Variants in HIVEP1 observed in about 807,000 individuals in gnomAD.
HIVEP1 encodes the protein HIVEP zinc finger 1.
A neutral mutation model predicts 180.0 loss-of-function variants in HIVEP1; 36 were observed. The observed-to-expected ratio is 0.20, with a 90% CI of 0.15 to 0.26. The LOEUF (loss-of-function observed/expected upper bound fraction) is 0.26, where lower values mean the gene tolerates loss of function less well. Ranked by LOEUF, HIVEP1 falls within the 10% of genes least tolerant of loss-of-function variation. HIVEP1 has a pLI of 1.00. For missense variants in HIVEP1, 3,143 were observed against 3,268.7 expected (o/e 0.96, Z 0.94); for synonymous variants, 1,239 against 1,239.0 (o/e 1.00, Z 0.00).
At chr6:12,029,010 G>A (rs1271021382) in intron 2 of HIVEP1, among the ~76,000 whole-genome samples, 1 of 152,058 alleles carries the variant, frequency 6.6e-6, no homozygotes, top group Non-Finnish European at 1.5e-5. Context: ...AATCTGTGTC[G>A]TAGCATGTAT....
intron 2 of HIVEP1, among the ~76,000 whole-genome samples, chr6:12,051,026 A>ATATATATATATATATATG (rs1329873734): frequency 5.7e-5 from 8 of 141,222 alleles, no homozygotes; most frequent in African/African-American, 1.1e-4. Flanking sequence ...ATATATATAT[A>ATATATATATATATATATG]TATATGTATA....
At chr6:12,202,015 C>T in the HIVEP1 span, among the ~76,000 whole-genome samples, 2 of 152,094 alleles carry the variant, frequency 1.3e-5, no homozygotes, top group Non-Finnish European at 2.9e-5. Flanking sequence ...AATTATTTTT[C>T]TGCAGTTCAG....
At chr6:12,028,316 C>T (rs1054492608) in intron 2 of HIVEP1, among the ~76,000 whole-genome samples, 5 of 152,104 alleles carry the variant, frequency 3.3e-5, no homozygotes, top group East Asian at 1.9e-4. Context: ...CCCTGTCTTC[C>T]AGGAAATTTA....
chr6:12,122,602 G>A lies in HIVEP1; in HGVS notation c.2807G>A (p.Arg936Lys). 1.2e-6 allele frequency: 2 copies of A among 1,614,182 alleles called. No homozygotes were observed. Among genetic ancestry groups the A allele is most frequent in the Non-Finnish European group, 1.7e-6 (2 of 1,180,036 alleles). Residue 936 changes from arginine to lysine, a missense_variant, in exon 4 of 9, where the codon AGG becomes AAG. By Grantham distance (26) the Arg-to-Lys change is conservative (BLOSUM62 2). Coordinates refer to ENST00000379388, the MANE Select transcript of HIVEP1 (RefSeq NM_002114.4). The stretch of plus-strand genomic sequence containing the variant: ...GCTGCTGGTGAAGCCATGTCAGTGA[G>A]GAGCAAGGCACTGGCACAAGGCCCA... ...CHAAGEAMSV[R>K]SKALAQGPHI...
intron 7 of HIVEP1, among the ~76,000 whole-genome samples, chr6:12,143,489 C>T (rs536690880): frequency 6.6e-6 from 1 of 152,216 alleles, no homozygotes; most frequent in African/African-American, 2.4e-5. Context: ...ACAAGGATGC[C>T]CTCTCTCACC....
chr6:12,141,174 G>A (rs1213751083), intron 7 of HIVEP1, among the ~76,000 whole-genome samples: 19 of 152,124 alleles, frequency 1.2e-4, no homozygotes, highest in South Asian at 6.2e-4. Context: ...CAGATCTCTC[G>A]GCAGAAACTC....
intron 5 of HIVEP1, among the ~76,000 whole-genome samples, chr6:12,130,422 C>T (rs1229173656): frequency 6.6e-6 from 1 of 152,006 alleles, no homozygotes; most frequent in East Asian, 1.9e-4. Context: ...CCTGTAGTCC[C>T]AGCTGTTCGG....
chr6:12,150,547 C>A (rs1759643153), intron 7 of HIVEP1, among the ~76,000 whole-genome samples: 2 of 152,074 alleles, frequency 1.3e-5, no homozygotes, highest in African/African-American at 2.4e-5. Flanking sequence ...AGCTTTTTTT[C>A]CAAATGAAAC....
chr6:12,043,141 A>T (rs899856220), intron 2 of HIVEP1, among the ~76,000 whole-genome samples: 3 of 152,190 alleles, frequency 2.0e-5, no homozygotes, highest in East Asian at 3.8e-4. Context: ...TCTAAATTCC[A>T]AAAGGGTAAG....
chr6:12,204,506 G>GA, the HIVEP1 span, among the ~76,000 whole-genome samples: 706 of 151,668 alleles, frequency 4.7e-3, 8 homozygotes, highest in African/African-American at 0.016. Context: ...TAAATATTAA[G>GA]AAAAAAAATC....
chr6:12,019,305 T>C (rs908429659), intron 2 of HIVEP1, among the ~76,000 whole-genome samples: 13 of 152,144 alleles, frequency 8.5e-5, no homozygotes, highest in Non-Finnish European at 1.9e-4. Flanking sequence ...TCCGCGCTCC[T>C]CACAATGTCT....
chr6:12,033,942 GCT>G (rs1277940208), intron 2 of HIVEP1, among the ~76,000 whole-genome samples: 1 of 152,142 alleles, frequency 6.6e-6, no homozygotes, highest in Non-Finnish European at 1.5e-5. Context: ...AGGATTCAGG[GCT>G]CATTTGTTGT....
At chr6:12,139,710 A>T (rs541836392) in intron 7 of HIVEP1, among the ~76,000 whole-genome samples, 1 of 152,374 alleles carries the variant, frequency 6.6e-6, no homozygotes, top group African/African-American at 2.4e-5. Context: ...GGTGGATCCC[A>T]TGCCCACAGA....
At chr6:12,182,695 C>A in the HIVEP1 span, among the ~76,000 whole-genome samples, 1 of 152,212 alleles carries the variant, frequency 6.6e-6, no homozygotes, top group African/African-American at 2.4e-5. Context: ...TATCTCTGAT[C>A]TTCCATTCTT....
intron 3 of HIVEP1, among the ~76,000 whole-genome samples, chr6:12,118,211 G>T (rs1775343247): frequency 6.7e-6 from 1 of 149,716 alleles, no homozygotes; most frequent in African/African-American, 2.5e-5. Flanking sequence ...ATTAAACTAT[G>T]ATATGAGAGC....
chr6:12,176,965 A>G, the HIVEP1 span, among the ~76,000 whole-genome samples: 1 of 152,234 alleles, frequency 6.6e-6, no homozygotes, highest in African/African-American at 2.4e-5. Context: ...CATATACACC[A>G]TGGAATACTA....
At chr6:12,048,479 C>T (rs1770284829) in intron 2 of HIVEP1, among the ~76,000 whole-genome samples, 1 of 152,184 alleles carries the variant, frequency 6.6e-6, no homozygotes, top group South Asian at 2.1e-4. Context: ...TGCCCATCAT[C>T]CCACCCCAAA....
At chr6:12,011,703 G>C (rs1313098226), upstream of HIVEP1, among the ~76,000 whole-genome samples, 1 of 147,106 alleles carries the variant, frequency 6.8e-6, no homozygotes, top group Non-Finnish European at 1.5e-5. Flanking sequence ...GGCCCGCCCC[G>C]CCGGGGAGAC....
At chr6:12,187,616 G>A in the HIVEP1 span, among the ~76,000 whole-genome samples, 10,451 of 148,350 alleles carry the variant, frequency 0.07, 531 homozygotes, top group South Asian at 0.29. Flanking sequence ...TTTTTTAAAC[G>A]GAGTCTCACT....
Sources: gnomAD v4.1 joint callset for allele counts (sites outside exome capture counted in the v4.1 genomes callset) on GRCh38, gnomAD v4.1.1 for gene constraint, MANE v1.5 for transcripts, NCBI Gene and HGNC (gene_info 2026-07-23, HGNC 2026-07-21) for gene names.